FARS2: variants seen among roughly 807,000 people sequenced by gnomAD.
FARS2 encodes phenylalanine--tRNA ligase, mitochondrial.
Under a neutral mutation model 46.4 loss-of-function variants are expected in FARS2, and 40 were observed. The ratio of observed to expected loss-of-function variants is 0.86; its 90% CI spans 0.67 to 1.12. FARS2 has a LOEUF of 1.12. Among genes scored for constraint, FARS2 ranks in the 50% most tolerant of loss-of-function variants. FARS2 has a pLI of 0.00. For missense variants in FARS2, 513 were observed against 567.9 expected, an observed-to-expected ratio of 0.90 and a Z score of 0.98; for synonymous variants, 234 against 214.9, an observed-to-expected ratio of 1.09 and a Z score of -0.78.
At chr6:5,549,431 A>G (rs112553742) in intron 5 of FARS2, among the ~76,000 whole-genome samples, 10,036 of 152,134 alleles carry the variant, frequency 0.066, 385 homozygotes, top group African/African-American at 0.11. Context: ...AACATGCGGT[A>G]TTTGGTTTTC....
chr6:5,411,611 T>A (rs1761946338), intron 3 of FARS2, among the ~76,000 whole-genome samples: 1 of 152,198 alleles, frequency 6.6e-6, no homozygotes, highest in South Asian at 2.1e-4. Flanking sequence ...CCTTTGTTCT[T>A]GAAAAGCAAA....
chr6:5,416,812 T>C (rs1159196949), intron 3 of FARS2, among the ~76,000 whole-genome samples: 3 of 152,232 alleles, frequency 2.0e-5, no homozygotes, highest in Admixed American at 2.0e-4. Flanking sequence ...GATTTACAGT[T>C]ATCACAGTCT....
chr6:5,668,643 A>ATTGC (rs1778270943), intron 6 of FARS2, among the ~76,000 whole-genome samples: 2 of 143,238 alleles, frequency 1.4e-5, no homozygotes, highest in Non-Finnish European at 3.0e-5. Context: ...TTACCTCTTC[A>ATTGC]TTGCTATGTT....
intron 6 of FARS2, among the ~76,000 whole-genome samples, chr6:5,751,024 G>T (rs956607374): frequency 6.6e-6 from 1 of 152,094 alleles, no homozygotes; most frequent in Admixed American, 6.5e-5. Context: ...GGCGGGTTTT[G>T]GGGGGCTGGG....
chr6:5,593,207 G>A (rs987631250), intron 5 of FARS2, among the ~76,000 whole-genome samples: 6 of 152,086 alleles, frequency 3.9e-5, no homozygotes, highest in Non-Finnish European at 5.9e-5. Flanking sequence ...AGTAACAGGC[G>A]TATCCATGCA....
Position 5,313,788 on chromosome 6 carries a change from C to T in FARS2, c.-22+52128C>T, listed in dbSNP as rs931508587. ...AGAGAGGTAAGTCATTGGTTTAGTG[C>T]TTCCTAAACTTTGCTGCACAATGGA... On this transcript the variant is annotated intron_variant, in intron 1 of 6. Transcript: ENST00000274680. 7.9e-5 allele frequency among the ~76,000 whole-genome samples: 12 copies of T among 151,984 alleles called. No individual in the cohort carries two copies. In the Middle Eastern group the frequency reaches 0.01, roughly 129 times the overall value.
intron 6 of FARS2, among the ~76,000 whole-genome samples, chr6:5,669,660 T>C (rs762820671): frequency 6.6e-6 from 1 of 152,176 alleles, no homozygotes; most frequent in Non-Finnish European, 1.5e-5. Context: ...TGTGGTATTA[T>C]AGGCCCAAGT....
chr6:5,291,791 T>C (rs1185097285), intron 1 of FARS2, among the ~76,000 whole-genome samples: 1 of 152,106 alleles, frequency 6.6e-6, no homozygotes, highest in Non-Finnish European at 1.5e-5. Flanking sequence ...ATATTGAATA[T>C]ATTTAATGAA....
chr6:5,429,277 G>T (rs1763027204), intron 3 of FARS2, among the ~76,000 whole-genome samples: 2 of 152,218 alleles, frequency 1.3e-5, no homozygotes, highest in African/African-American at 4.8e-5. Flanking sequence ...AAATAAGAGG[G>T]GGAAATATTG....
chr6:5,689,564 C>T (rs929279508), intron 6 of FARS2, among the ~76,000 whole-genome samples: 3 of 152,264 alleles, frequency 2.0e-5, no homozygotes, highest in East Asian at 1.9e-4. Flanking sequence ...GTCTGAGAAA[C>T]AGTTTGTTAT....
At chr6:5,606,362 C>T (rs1774837050) in intron 5 of FARS2, among the ~76,000 whole-genome samples, 1 of 151,974 alleles carries the variant, frequency 6.6e-6, no homozygotes, top group Non-Finnish European at 1.5e-5. Context: ...TAATAGGCGG[C>T]AGGGAAGTTG....
intron 4 of FARS2, among the ~76,000 whole-genome samples, chr6:5,468,492 G>T (rs1011333446): frequency 2.0e-5 from 3 of 152,118 alleles, no homozygotes; most frequent in Admixed American, 1.3e-4. Flanking sequence ...TTTAGGGAAA[G>T]AATTATTTAA....
chr6:5,576,584 ATACTC>A lies in FARS2; in HGVS notation c.1065+31247_1065+31251del, dbSNP rs1772983698. ...TATATAGAGTATATATCTATGATAT[ATACTC>A]TATATATGATATATTATATATATAA... is the stretch of plus-strand genomic sequence containing the variant. On this transcript the variant is annotated intron_variant, in intron 5 of 6. Coordinates refer to ENST00000274680, the MANE Select transcript of FARS2 (RefSeq NM_006567.5). Among the ~76,000 whole-genome samples, 3 of 147,128 alleles carry A rather than the reference ATACTC, an allele frequency of 2.0e-5. No individual in the cohort carries two copies. In the South Asian group the frequency reaches 6.3e-4, roughly 31 times the overall value.
intron 3 of FARS2, among the ~76,000 whole-genome samples, chr6:5,406,655 T>G (rs989613727): frequency 6.6e-6 from 1 of 152,172 alleles, no homozygotes; most frequent in African/African-American, 2.4e-5. Flanking sequence ...ACGATTTGTT[T>G]ATCCATACAT....
At chr6:5,645,486 A>G (rs1777031623) in intron 6 of FARS2, among the ~76,000 whole-genome samples, 2 of 152,236 alleles carry the variant, frequency 1.3e-5, no homozygotes, top group Admixed American at 6.5e-5. Context: ...CAGTCGGGCC[A>G]GGTTTCACAG....
At chr6:5,481,847 C>A (rs746214816) in intron 4 of FARS2, among the ~76,000 whole-genome samples, 11 of 152,150 alleles carry the variant, frequency 7.2e-5, no homozygotes, top group Non-Finnish European at 1.3e-4. Flanking sequence ...GTGGTCTGCT[C>A]TGTGATGCTG....
intron 4 of FARS2, among the ~76,000 whole-genome samples, chr6:5,538,688 C>T (rs749760015): frequency 7.2e-5 from 11 of 152,106 alleles, no homozygotes; most frequent in African/African-American, 2.4e-4. Context: ...TCACAGGAGT[C>T]GCCAGTATTG....
At chr6:5,428,267 A>T (rs1762959394) in intron 3 of FARS2, among the ~76,000 whole-genome samples, 2 of 152,196 alleles carry the variant, frequency 1.3e-5, no homozygotes, top group Non-Finnish European at 1.5e-5. Flanking sequence ...TGTATAACTG[A>T]ACTCTTCCAT....
intron 1 of FARS2, among the ~76,000 whole-genome samples, chr6:5,365,317 C>CTTTT (rs61097603): frequency 0.025 from 1,048 of 42,490 alleles, 304 homozygotes; most frequent in Non-Finnish European, 0.031. Context: ...AGTATACTTT[C>CTTTT]TTTTTTTTTT....
Sources: allele counts gnomAD v4.1 joint callset (sites outside exome capture counted in the v4.1 genomes callset), GRCh38; gene constraint gnomAD v4.1.1; transcripts MANE v1.5; gene names NCBI Gene and HGNC (gene_info 2026-07-23, HGNC 2026-07-21).